The following MARCHF1 variants were observed in gnomAD, a reference collection of about 807,000 sequenced individuals.
MARCHF1 encodes E3 ubiquitin-protein ligase MARCHF1.
In MARCHF1, 40 loss-of-function variants were observed where a neutral mutation model predicts 54.2. The observed-to-expected ratio is 0.74, with a 90% CI of 0.57 to 0.96. The LOEUF (loss-of-function observed/expected upper bound fraction) is 0.96, where lower values mean the gene tolerates loss of function less well. Ranked by LOEUF, MARCHF1 falls within the 40% of genes least tolerant of loss-of-function variation. The pLI is 0.00. For synonymous variants in MARCHF1, 236 were observed against 236.3 expected (o/e 1.00, Z 0.01); for missense variants, 586 against 656.5 (o/e 0.89, Z 1.17).
At chr4:163,897,880 C>A (rs1421337326) in intron 3 of MARCHF1, among the ~76,000 whole-genome samples, 1 of 137,592 alleles carries the variant, frequency 7.3e-6, no homozygotes, top group Non-Finnish European at 1.6e-5. Context: ...CATGATGAAA[C>A]CCAGTCTCTA....
chr4:163,623,093 A>T (rs1741744299), intron 5 of MARCHF1, among the ~76,000 whole-genome samples: 1 of 151,996 alleles, frequency 6.6e-6, no homozygotes, highest in African/African-American at 2.4e-5. Flanking sequence ...AGCCCATGTC[A>T]CCTCCCATTT....
At chr4:163,878,241 G>T (rs1375839571) in intron 3 of MARCHF1, among the ~76,000 whole-genome samples, 1 of 152,128 alleles carries the variant, frequency 6.6e-6, no homozygotes, top group Non-Finnish European at 1.5e-5. Context: ...AGCCAAAAAG[G>T]GTAGGTAAGT....
intron 5 of MARCHF1, among the ~76,000 whole-genome samples, chr4:163,621,080 T>A (rs562936072): frequency 6.6e-6 from 1 of 152,182 alleles, no homozygotes. Flanking sequence ...CATAAAAGGA[T>A]TGTGAGGATA....
At chr4:164,327,231 T>C (rs1480461703) in intron 1 of MARCHF1, among the ~76,000 whole-genome samples, 1 of 152,124 alleles carries the variant, frequency 6.6e-6, no homozygotes, top group Admixed American at 6.5e-5. Flanking sequence ...ACAGCTCCTA[T>C]TAGATATATG....
intron 4 of MARCHF1, among the ~76,000 whole-genome samples, chr4:163,727,055 G>A (rs541428679): frequency 5.3e-5 from 8 of 152,168 alleles, no homozygotes; most frequent in African/African-American, 1.2e-4. Flanking sequence ...CTTTTGCAGC[G>A]AAGTTTTAAA....
At chr4:163,535,753 C>CTTTTTTTTTT (rs34118311) in intron 9 of MARCHF1, among the ~76,000 whole-genome samples, 1 of 144,162 alleles carries the variant, frequency 6.9e-6, no homozygotes. Context: ...TATAGAAGGG[C>CTTTTTTTTTT]TTTTTTTTTT....
At chr4:164,268,728 T>C (rs1368266790) in intron 1 of MARCHF1, among the ~76,000 whole-genome samples, 9 of 152,158 alleles carry the variant, frequency 5.9e-5, no homozygotes. Context: ...ACTATTAAAA[T>C]ATAAAGAATT....
intron 1 of MARCHF1, chr4:164,197,037 A>T (rs1281970865): frequency 1.2e-6 from 2 of 1,605,132 alleles, no homozygotes; most frequent in Non-Finnish European, 1.7e-6. Context: ...TTTCTTCTTC[A>T]CCAAGCTCTT....
chr4:164,192,270 T>C (rs966437030), intron 1 of MARCHF1, among the ~76,000 whole-genome samples: 4 of 152,214 alleles, frequency 2.6e-5, no homozygotes, highest in Non-Finnish European at 5.9e-5. Flanking sequence ...TTTAAAACAA[T>C]ATTCTTTTAA....
chr4:163,757,365 T>C (rs1649333525), intron 4 of MARCHF1, among the ~76,000 whole-genome samples: 2 of 152,208 alleles, frequency 1.3e-5, no homozygotes, highest in Non-Finnish European at 2.9e-5. Flanking sequence ...GTACAGTTAC[T>C]GCCAATGAAT....
intron 5 of MARCHF1, among the ~76,000 whole-genome samples, chr4:163,661,554 TGTCA>T (rs1743343814): frequency 6.6e-6 from 1 of 152,038 alleles, no homozygotes; most frequent in African/African-American, 2.4e-5. Context: ...AAAATACAGA[TGTCA>T]GTATCAGAGA....
intron 1 of MARCHF1, among the ~76,000 whole-genome samples, chr4:164,241,863 G>C (rs1732770812): frequency 6.6e-6 from 1 of 152,198 alleles, no homozygotes; most frequent in African/African-American, 2.4e-5. Flanking sequence ...AGAAAGGGGT[G>C]ACGGATGGCA....
chr4:164,148,938 T>C (rs1331775571), intron 1 of MARCHF1, among the ~76,000 whole-genome samples: 1 of 152,092 alleles, frequency 6.6e-6, no homozygotes, highest in East Asian at 1.9e-4. Context: ...CCCCTCCAAA[T>C]CTCATGTTGA....
chr4:164,267,440 AACT>A (rs1225450991), intron 1 of MARCHF1, among the ~76,000 whole-genome samples: 1 of 152,146 alleles, frequency 6.6e-6, no homozygotes, highest in Non-Finnish European at 1.5e-5. Flanking sequence ...GAATGAAGCC[AACT>A]GGCGTGCTGT....
At chr4:163,617,586 T>C (rs557516016) in intron 5 of MARCHF1, among the ~76,000 whole-genome samples, 15 of 152,310 alleles carry the variant, frequency 9.8e-5, no homozygotes, top group African/African-American at 3.6e-4. Flanking sequence ...ATTTTCATCT[T>C]TTGAACAGAT....
intron 1 of MARCHF1, chr4:164,188,887 T>C: frequency 1.3e-6 from 1 of 776,412 alleles, no homozygotes; most frequent in Admixed American, 1.7e-5. Context: ...ATGCAGTTTT[T>C]ACCTTACCAG....
chr4:163,716,571 C>T (rs1397278103), intron 4 of MARCHF1, among the ~76,000 whole-genome samples: 2 of 152,112 alleles, frequency 1.3e-5, no homozygotes, highest in East Asian at 1.9e-4. Flanking sequence ...CGCCTTTTGC[C>T]GAGGAGTCCA....
chr4:164,332,232 A>G (rs562549137), intron 1 of MARCHF1, among the ~76,000 whole-genome samples: 5 of 152,304 alleles, frequency 3.3e-5, no homozygotes, highest in African/African-American at 1.2e-4. Context: ...TCACCTAGAC[A>G]CACAAGTGAC....
intron 1 of MARCHF1, among the ~76,000 whole-genome samples, chr4:164,145,536 G>A (rs1177071745): frequency 6.6e-6 from 1 of 152,010 alleles, no homozygotes. Flanking sequence ...ATCAATAAAT[G>A]TAATCCAGCA....
Sources: allele counts gnomAD v4.1 joint callset (sites outside exome capture counted in the v4.1 genomes callset), GRCh38; gene constraint gnomAD v4.1.1; transcripts MANE v1.5; gene names NCBI Gene and HGNC (gene_info 2026-07-23, HGNC 2026-07-21).